TRPS1: variants seen among roughly 807,000 people sequenced by gnomAD.
The protein encoded by TRPS1 is zinc finger transcription factor Trps1.
Under a neutral mutation model 101.2 loss-of-function variants are expected in TRPS1, and 6 were observed. The observed-to-expected ratio is 0.06, with a 90% CI of 0.03 to 0.12. TRPS1 has a LOEUF of 0.12. TRPS1 is among the 10% of genes least tolerant of loss of function. The pLI, the probability that TRPS1 is intolerant of heterozygous loss-of-function variation, is 1.00. For synonymous variants in TRPS1, 578 were observed against 589.8 expected, an observed-to-expected ratio of 0.98 and a Z score of 0.29; for missense variants, 1,363 against 1,567.0, an observed-to-expected ratio of 0.87 and a Z score of 2.20.
At chr8:115,497,171 A>T (rs778052272) in intron 5 of TRPS1, among the ~76,000 whole-genome samples, 1 of 152,130 alleles carries the variant, frequency 6.6e-6, no homozygotes, top group Admixed American at 6.5e-5. Flanking sequence ...GGCACCAGGG[A>T]CAGGTTTTGT....
At chr8:115,446,367 T>A (rs1354145168) in intron 5 of TRPS1, among the ~76,000 whole-genome samples, 1 of 151,570 alleles carries the variant, frequency 6.6e-6, no homozygotes, top group Non-Finnish European at 1.5e-5. Flanking sequence ...AACTGTTTCT[T>A]CCCCTGATCT....
At chr8:115,479,110 G>A (rs1159279710) in intron 5 of TRPS1, among the ~76,000 whole-genome samples, 2 of 151,876 alleles carry the variant, frequency 1.3e-5, no homozygotes, top group Non-Finnish European at 2.9e-5. Context: ...ATGCCTTTAT[G>A]TTTTCCAGTT....
chr8:115,496,352 C>A (rs1339213529), intron 5 of TRPS1, among the ~76,000 whole-genome samples: 1 of 151,946 alleles, frequency 6.6e-6, no homozygotes, highest in Non-Finnish European at 1.5e-5. Context: ...TGGAAATAAG[C>A]AATGTACTCT....
intron 5 of TRPS1, among the ~76,000 whole-genome samples, chr8:115,431,361 A>G (rs1356020381): frequency 6.6e-6 from 1 of 152,060 alleles, no homozygotes; most frequent in Non-Finnish European, 1.5e-5. Flanking sequence ...ATTTATTTTT[A>G]CAACATGAGA....
At chr8:115,557,817 A>G (rs189288508) in intron 5 of TRPS1, among the ~76,000 whole-genome samples, 2 of 152,188 alleles carry the variant, frequency 1.3e-5, no homozygotes, top group East Asian at 3.9e-4. Context: ...ATGCTGTTAC[A>G]ATTTCCCATC....
chr8:115,414,953 C>T lies in TRPS1; in HGVS notation c.2955G>A (p.Glu985=). The T allele has an allele frequency of 3.1e-6, 5 of 1,591,362 alleles. No individual in the cohort carries two copies. Among genetic ancestry groups the T allele is most frequent in the Non-Finnish European group, 4.3e-6 (5 of 1,169,628 alleles). ...CTAACGGGCTTCCATTGACTTGCTC[C>T]TCATTGCTGCCCCTCTGCTGTTTGT... ...QLNKQQRGSN[E]EQVNGSPLER... The change falls in exon 7 of 7, where the codon GAG becomes GAA. Residue 985 remains glutamate, a synonymous_variant. Coordinates refer to ENST00000395715, the MANE Select transcript of TRPS1 (RefSeq NM_014112.5). This position sits in a 1 kb window ranked among gnomAD's most constrained non-coding sequence, Gnocchi z 4.8.
At chr8:115,648,000 G>T (rs1057257931) in intron 1 of TRPS1, among the ~76,000 whole-genome samples, 2 of 151,976 alleles carry the variant, frequency 1.3e-5, no homozygotes, top group African/African-American at 4.8e-5. Context: ...CTTACAGTTT[G>T]CCCAATGATC....
Position 115,619,209 on chromosome 8 carries a change from G to A in TRPS1, c.889C>T (p.Arg297Cys), listed in dbSNP as rs760453058. The A allele has an allele frequency of 1.2e-5, 19 of 1,613,960 alleles. No homozygotes were observed. The highest frequency in any genetic ancestry group is 8.9e-5 in the East Asian group (4 of 44,882). ...SHSKDFQKVN[R>C]SVFSGVLQDI... ...TGCAGCACACCAGAAAACACAGAAC[G>A]GTTGACCTTCTGGAAGTCTTTGGAA... Residue 297 changes from arginine to cysteine, a missense_variant, in exon 3 of 7, where the codon CGT becomes TGT. By Grantham distance (180) the Arg-to-Cys change is radical (BLOSUM62 -3). Around this residue, in one of 5 missense-constraint regions of TRPS1, gnomAD observed 1,020 missense variants for 1,073.0 expected, o/e 0.95. Coordinates refer to ENST00000395715, the MANE Select transcript of TRPS1 (RefSeq NM_014112.5).
At chr8:115,568,815 G>A (rs940926885) in intron 5 of TRPS1, among the ~76,000 whole-genome samples, 3 of 152,172 alleles carry the variant, frequency 2.0e-5, no homozygotes, top group Middle Eastern at 6.8e-3. Flanking sequence ...CTGTAAGACT[G>A]CCTACAGTAT....
chr8:115,615,831 T>C (rs1586460815), intron 3 of TRPS1, among the ~76,000 whole-genome samples: 1 of 152,180 alleles, frequency 6.6e-6, no homozygotes, highest in East Asian at 1.9e-4. Flanking sequence ...ATCTCTTGTA[T>C]TATTGGTCTC....
At position 115,520,360 on chromosome 8, in the gene TRPS1, C is replaced by A. The variant is rs1006454186; in HGVS notation, c.2700+66641G>T. Among the ~76,000 whole-genome samples the A allele has an allele frequency of 8.6e-5, 13 of 151,816 alleles. No individual in the cohort carries two copies. The East Asian group carries it at 2.5e-3, about 29-fold the overall frequency. ...AACTGGGTATTTTCCAGGCTCATCT[C>A]ACCTCATTTATCTTTCAGCTCTTCT... On this transcript the variant is annotated intron_variant, in intron 5 of 6. Transcript: ENST00000395715.
intron 5 of TRPS1, among the ~76,000 whole-genome samples, chr8:115,486,857 C>G (rs752109077): frequency 3.9e-5 from 6 of 152,144 alleles, no homozygotes; most frequent in Non-Finnish European, 5.9e-5. Context: ...GGTTAAGAAG[C>G]AAGTGCTGAA....
At chr8:115,575,102 G>GA (rs1194400771) in intron 5 of TRPS1, among the ~76,000 whole-genome samples, 5 of 152,024 alleles carry the variant, frequency 3.3e-5, no homozygotes, top group African/African-American at 1.2e-4. Context: ...TGACTGTTGG[G>GA]ACGCCAATTC....
intron 5 of TRPS1, among the ~76,000 whole-genome samples, chr8:115,438,580 T>C (rs1813514247): frequency 6.6e-6 from 1 of 152,132 alleles, no homozygotes; most frequent in Non-Finnish European, 1.5e-5. Flanking sequence ...TATATTTAGA[T>C]ACAGGGAGGG....
intron 3 of TRPS1, among the ~76,000 whole-genome samples, chr8:115,611,116 CAAAAA>C (rs752834152): frequency 1.5e-5 from 1 of 64,962 alleles, no homozygotes; most frequent in Admixed American, 1.6e-4. Flanking sequence ...GACTCCATAT[CAAAAA>C]AAAAAAAAAA....
intron 5 of TRPS1, among the ~76,000 whole-genome samples, chr8:115,516,223 A>G (rs1038208729): frequency 1.3e-5 from 2 of 151,282 alleles, no homozygotes; most frequent in Admixed American, 6.6e-5. Flanking sequence ...GAATGTATAA[A>G]TCTTGCCATA....
At chr8:115,591,209 ATTAAAACCTTGGGAGGTAAGGATGTT>A (rs1817673152) in intron 4 of TRPS1, among the ~76,000 whole-genome samples, 1 of 152,222 alleles carries the variant, frequency 6.6e-6, no homozygotes, top group Non-Finnish European at 1.5e-5. Context: ...CCTGTGTTTT[ATTAAAACCTTGGGAGGTAAGGATGTT>A]TTATGAATGT....
chr8:115,532,329 T>C (rs1329547123), intron 5 of TRPS1, among the ~76,000 whole-genome samples: 1 of 151,888 alleles, frequency 6.6e-6, no homozygotes, highest in Non-Finnish European at 1.5e-5. Flanking sequence ...AGTCAGAGAA[T>C]AGATGAAGAA....
chr8:115,415,236 A>G, intron 6 of TRPS1, 152 bp from the exon 7 acceptor site: 1 of 860,718 alleles, frequency 1.2e-6, no homozygotes, highest in East Asian at 2.7e-5. Flanking sequence ...TTTTGCCCTA[A>G]GCAGGATCAG....
Sources: allele counts gnomAD v4.1 joint callset (sites outside exome capture counted in the v4.1 genomes callset), GRCh38; gene constraint gnomAD v4.1.1; regional missense constraint gnomAD v4.1.1; non-coding constraint Gnocchi (gnomAD v3.1); transcripts MANE v1.5; gene names NCBI Gene and HGNC (gene_info 2026-07-23, HGNC 2026-07-21).